NSD2: variants seen among roughly 807,000 people sequenced by gnomAD.
NSD2 encodes nuclear receptor binding SET domain protein 2.
Under a neutral mutation model 139.0 loss-of-function variants are expected in NSD2, and 12 were observed. That is an observed-to-expected ratio of 0.09 (90% CI 0.06 to 0.14). The LOEUF (loss-of-function observed/expected upper bound fraction) is 0.14, where lower values mean the gene tolerates loss of function less well. Ranked by LOEUF, NSD2 falls within the 10% of genes least tolerant of loss-of-function variation. The probability of loss-of-function intolerance (pLI) is 1.00; values close to 1 mark genes in which losing one functional copy is unlikely to be tolerated. For synonymous variants in NSD2, 669 were observed against 648.7 expected (o/e 1.03, Z -0.48); for missense variants, 1,155 against 1,745.0 (o/e 0.66, Z 6.02).
intron 5 of NSD2, among the ~76,000 whole-genome samples, chr4:1,923,941 C>A (rs1008340786): frequency 6.6e-6 from 1 of 152,154 alleles, no homozygotes; most frequent in Non-Finnish European, 1.5e-5. Flanking sequence ...TTAACTTATC[C>A]CTTTCTCTGC....
chr4:1,938,412 CTTTCTTTTTTTTTT>C (rs780689425), intron 7 of NSD2, 25 bp from the exon 8 acceptor site: 2 of 635,586 alleles, frequency 3.1e-6, no homozygotes, highest in Non-Finnish European at 4.0e-6. Flanking sequence ...TTTTTTTTTT[CTTTCTTTTTTTTTT>C]TTTTTTTTTT....
chr4:1,954,185 A>T (rs55783621), intron 12 of NSD2, among the ~76,000 whole-genome samples: 2,121 of 151,838 alleles, frequency 0.014, 45 homozygotes, highest in African/African-American at 0.049. Flanking sequence ...GGGTTTCATC[A>T]TGTTGGTCAG....
intron 1 of NSD2, among the ~76,000 whole-genome samples, chr4:1,893,296 C>T (rs989219137): frequency 1.3e-5 from 2 of 152,030 alleles, no homozygotes; most frequent in African/African-American, 2.4e-5. Flanking sequence ...AGTGAAACCC[C>T]GTCTCTACTA....
At chr4:1,918,069 T>C in intron 4 of NSD2, 72 bp from the exon 5 acceptor site, 21 of 1,522,904 alleles carry the variant, frequency 1.4e-5, no homozygotes, top group Non-Finnish European at 1.9e-5. Context: ...GCATGAATCA[T>C]GTGCCTAGGA....
rs141181603 is a variant in NSD2 at position 1,886,081 on chromosome 4, A to G, written c.-30+14539A>G. Among the ~76,000 whole-genome samples the G allele has an allele frequency of 2.2e-3, 340 of 152,348 alleles. 2 individuals are homozygous for G. Among genetic ancestry groups the G allele is most frequent in the African/African-American group, 7.8e-3 (325 of 41,578 alleles). ...ATATTTTCTGCTTATCTTTTCCTTTACGAAACTAAAGCGCGTCCATTGAAG... is the reference window on the plus strand; with the variant it reads ...ATATTTTCTGCTTATCTTTTCCTTTGCGAAACTAAAGCGCGTCCATTGAAG... On this transcript the variant is annotated intron_variant, in intron 1 of 21. Transcript: ENST00000508803.
At position 1,948,607 on chromosome 4, in the gene NSD2, A is replaced by G; in HGVS notation, c.1882-2465A>G. ...TGCAATCTGTGTCATGGACTGTACTATTGTAAGGTCTATATTCTGTATGTG... is the reference window on the plus strand; with the variant it reads ...TGCAATCTGTGTCATGGACTGTACTGTTGTAAGGTCTATATTCTGTATGTG... On this transcript the variant is annotated intron_variant, in intron 9 of 21. Transcript: ENST00000508803. This position sits in a 1 kb window ranked among gnomAD's most constrained non-coding sequence, Gnocchi z 4.5. 4 of 1,062,608 alleles carry G rather than the reference A, an allele frequency of 3.8e-6. No individual in the cohort carries two copies. Among genetic ancestry groups the G allele is most frequent in the Non-Finnish European group, 3.4e-6 (3 of 876,682 alleles). The allele number at this position is 1,062,608 out of a possible 1,614,324, so 65.8% of individuals were successfully genotyped here. A position where few individuals can be genotyped will look rare whatever the true frequency, so the allele number is the denominator to read the frequency against.
intron 1 of NSD2, among the ~76,000 whole-genome samples, chr4:1,874,489 T>C (rs1451818393): frequency 1.3e-5 from 2 of 152,174 alleles, no homozygotes; most frequent in African/African-American, 4.8e-5. Flanking sequence ...TGCATTCTCA[T>C]GGCATACACT....
chr4:1,904,859 G>A (rs537138095), intron 3 of NSD2, among the ~76,000 whole-genome samples: 10 of 152,324 alleles, frequency 6.6e-5, no homozygotes, highest in South Asian at 2.1e-4. Flanking sequence ...GGCCGGGCAC[G>A]GTGGCTCACG....
Position 1,952,246 on chromosome 4 carries a change from G to T in NSD2, c.2137+15G>T. ...GTGTGCCTCAGGCAAGTTCCCACGG[G>T]CGGGCAGCTCTGCAGCCTGGCCGGC... On this transcript the variant is annotated intron_variant, in intron 11 of 21. Transcript: ENST00000508803. 6.2e-7 allele frequency: 1 copy of T among 1,612,772 alleles called. No individual in the cohort carries two copies. Among genetic ancestry groups the T allele is most frequent in the East Asian group, 2.2e-5 (1 of 44,880 alleles).
intron 1 of NSD2, among the ~76,000 whole-genome samples, chr4:1,872,577 T>A (rs1345556304): frequency 1.4e-5 from 1 of 69,486 alleles, no homozygotes; most frequent in East Asian, 5.2e-4. Context: ...TGTGTGTGTG[T>A]GTGTGTGTGT....
chr4:1,948,057 A>G lies in NSD2; in HGVS notation c.1882-3015A>G, dbSNP rs1163911550. Reference sequence around the variant, plus strand: ...CCCTGTAATAGATCAAGGAGACTGCATTCCCTGCCCTGAAGGAATGTATTT... The same window carrying G: ...CCCTGTAATAGATCAAGGAGACTGCGTTCCCTGCCCTGAAGGAATGTATTT... On this transcript the variant is annotated intron_variant, in intron 9 of 21. Coordinates refer to ENST00000508803, the MANE Select transcript of NSD2 (RefSeq NM_001042424.3). The surrounding 1 kb of genome is among the most constrained non-coding windows in gnomAD (Gnocchi z 4.5). 2.8e-6 allele frequency: 3 copies of G among 1,057,478 alleles called. No individual in the cohort carries two copies. The highest frequency in any genetic ancestry group is 3.4e-6 in the Non-Finnish European group (3 of 874,134). 65.5% of individuals were successfully genotyped at this position (1,057,478 alleles called of 1,614,324 possible). A position where few individuals can be genotyped will look rare whatever the true frequency, so the allele number is the denominator to read the frequency against.
rs980396997 is a variant in NSD2 at position 1,958,685 on chromosome 4, A to G, written c.2985+649A>G. Among the ~76,000 whole-genome samples, 2 of 152,260 alleles carry G rather than the reference A, an allele frequency of 1.3e-5. No homozygotes were observed. The highest frequency in any genetic ancestry group is 2.1e-4 in the South Asian group (1 of 4,834). ...GCTTGTAAAATGTGGGCTGCAGTCA[A>G]TATCTTTGTATGTAAAGAAAGTGCT... On this transcript the variant is annotated intron_variant, in intron 16 of 21. Coordinates refer to ENST00000508803, the MANE Select transcript of NSD2 (RefSeq NM_001042424.3). The surrounding 1 kb of genome is among the most constrained non-coding windows in gnomAD (Gnocchi z 4.6).
rs917713855 is a variant in NSD2 at position 1,972,200 on chromosome 4, A to G, written c.3373-2663A>G. On this transcript the variant is annotated intron_variant, in intron 18 of 21. Coordinates refer to ENST00000508803, the MANE Select transcript of NSD2 (RefSeq NM_001042424.3). This position sits in a 1 kb window ranked among gnomAD's most constrained non-coding sequence, Gnocchi z 4.0. ...TCATGTATGCAGAGCCACAAAGAGC[A>G]TTGATGCGTGTATTGAATGGAGCAG... Among the ~76,000 whole-genome samples, 3 of 152,204 alleles carry G rather than the reference A, an allele frequency of 2.0e-5. No individual in the cohort carries two copies. Among genetic ancestry groups the G allele is most frequent in the African/African-American group, 7.2e-5 (3 of 41,458 alleles).
intron 1 of NSD2, among the ~76,000 whole-genome samples, chr4:1,898,524 C>T (rs930132626): frequency 2.0e-5 from 3 of 151,504 alleles, no homozygotes; most frequent in African/African-American, 4.8e-5. Context: ...ATTAGCCGGG[C>T]GTGGTGGTGG....
chr4:1,939,356 T>C (rs1225632329), intron 8 of NSD2: 2 of 393,720 alleles, frequency 5.1e-6, no homozygotes, highest in Admixed American at 7.6e-5. Context: ...AAATGATATG[T>C]CTGGGATTTG....
At chr4:1,975,061 C>T (rs576679446) in intron 19 of NSD2, 57 bp downstream of exon 19, 112 of 1,609,948 alleles carry the variant, frequency 7.0e-5, no homozygotes, top group African/African-American at 3.1e-4. Flanking sequence ...GAGTGGCCAT[C>T]GCTGAGGGCT....
chr4:1,977,653 G>A (rs1024717102), intron 21 of NSD2, among the ~76,000 whole-genome samples: 2 of 152,032 alleles, frequency 1.3e-5, no homozygotes, highest in South Asian at 4.1e-4. Flanking sequence ...GCATGCACCT[G>A]TAATCCCAGC....
rs1450812060 is a variant in NSD2, at chr4:1,947,721, CCTT to C, written c.1882-3347_1882-3345del. Reference sequence around the variant, plus strand: ...TGGAGGTACTTCTCGCCATCAGCTTCCTTCTTTACAAAACCATCATTTCAACAT... The same window carrying C: ...TGGAGGTACTTCTCGCCATCAGCTTCCTTTACAAAACCATCATTTCAACAT... On this transcript the variant is annotated intron_variant, in intron 9 of 21. Transcript: ENST00000508803. The C allele has an allele frequency of 9.5e-6, 10 of 1,053,142 alleles. No homozygotes were observed. The East Asian group carries it at 3.8e-4, about 40-fold the overall frequency. 65.2% of individuals were successfully genotyped at this position (1,053,142 alleles called of 1,614,324 possible). A position where few individuals can be genotyped will look rare whatever the true frequency, so the allele number is the denominator to read the frequency against.
chr4:1,947,511 A>G, intron 9 of NSD2: 1 of 1,056,764 alleles, frequency 9.5e-7, no homozygotes. Context: ...TGTAACCTAG[A>G]AGGGTCACTT....
Sources: allele counts gnomAD v4.1 joint callset (sites outside exome capture counted in the v4.1 genomes callset), GRCh38; gene constraint gnomAD v4.1.1; non-coding constraint Gnocchi (gnomAD v3.1); transcripts MANE v1.5; gene names NCBI Gene and HGNC (gene_info 2026-07-23, HGNC 2026-07-21).